Variants in EPHA7 observed in about 807,000 individuals in gnomAD.
EPHA7 encodes the protein ephrin type-A receptor 7.
EPHA7 carries 25 observed loss-of-function variants against 112.6 expected under a neutral mutation model. The observed-to-expected ratio is 0.22, with a 90% confidence interval of 0.16 to 0.31. EPHA7 has a LOEUF of 0.31. Among genes scored for constraint, EPHA7 ranks in the 10% least tolerant of loss-of-function variants. The pLI, the probability that EPHA7 is intolerant of heterozygous loss-of-function variation, is 1.00. For synonymous variants in EPHA7, 437 were observed against 406.5 expected (o/e 1.07, Z -0.90); for missense variants, 962 against 1,212.6 (o/e 0.79, Z 3.07).
chr6:93,345,187 T>C (rs1253140053), intron 5 of EPHA7, among the ~76,000 whole-genome samples: 2 of 151,718 alleles, frequency 1.3e-5, no homozygotes, highest in Non-Finnish European at 3.0e-5. Flanking sequence ...AATACAATAG[T>C]GATATGGCTT....
chr6:93,343,337 T>A (rs1359673280), intron 5 of EPHA7, among the ~76,000 whole-genome samples: 1 of 151,568 alleles, frequency 6.6e-6, no homozygotes, highest in Non-Finnish European at 1.5e-5. Context: ...CATAAAAAAA[T>A]TTACAAAGCA....
In EPHA7 at chr6:93,278,186, G is replaced by C. The variant is rs74480789; in HGVS notation, c.1325-5764C>G. ...TCTCAGAAAAATCTATAAGTAAAAG[G>C]CTTTAAGGGGCATCAGTTTGTGGAG... On this transcript the variant is annotated intron_variant, in intron 5 of 16. Coordinates refer to ENST00000369303, the MANE Select transcript of EPHA7 (RefSeq NM_004440.4). Among the ~76,000 whole-genome samples, 470 of 151,980 alleles carry C rather than the reference G, an allele frequency of 3.1e-3. 19 individuals carry two copies. The East Asian group carries it at 0.078, about 25-fold the overall frequency.
Position 93,240,600 on chromosome 6 carries a change from AAC to A in EPHA7, c.*2824_*2825del, listed in dbSNP as rs1769649440. 2 of 218,286 alleles carry A rather than the reference AAC, an allele frequency of 9.2e-6. No homozygotes were observed. The highest frequency in any genetic ancestry group is 3.7e-4 in the South Asian group (2 of 5,390). The allele number at this position is 218,286 out of a possible 1,614,324, so 13.5% of individuals were successfully genotyped here. A position where few individuals can be genotyped will look rare whatever the true frequency, so the allele number is the denominator to read the frequency against. ...ACTTTTATTTCAGTACTGAATGCAA[AAC>A]ACAGGTCAAGTGTGAGGACAGTGTT... On this transcript the variant is annotated 3_prime_UTR_variant, in exon 17 of 17. Transcript: ENST00000369303.
rs368399596 is a variant in EPHA7 at position 93,246,775 on chromosome 6, C to T, written c.2726+17G>A. 3.8e-6 allele frequency: 6 copies of T among 1,583,970 alleles called. No individual in the cohort carries two copies. The highest frequency in any genetic ancestry group is 5.2e-6 in the Non-Finnish European group (6 of 1,155,966). ...TTGTAATTTCTCCCAGATTCCATTC[C>T]CTTAGGCATTTCTTACCTACTACAA... On this transcript the variant is annotated intron_variant, in intron 15 of 16. Transcript: ENST00000369303.
Position 93,241,921 on chromosome 6 carries a change from C to G in EPHA7, c.*1505G>C, listed in dbSNP as rs1317070732. 9.2e-6 allele frequency: 2 copies of G among 216,980 alleles called. No homozygotes were observed. Among genetic ancestry groups the G allele is most frequent in the African/African-American group, 4.5e-5 (2 of 44,392 alleles). The allele number at this position is 216,980 out of a possible 1,614,324, so 13.4% of individuals were successfully genotyped here. ...GTTTGTTTGTGGATGCCCACATTATCAAACAAGACCAATTATGACCGATCC... is the reference window on the plus strand; with the variant it reads ...GTTTGTTTGTGGATGCCCACATTATGAAACAAGACCAATTATGACCGATCC... On this transcript the variant is annotated 3_prime_UTR_variant, in exon 17 of 17. Transcript: ENST00000369303.
At chr6:93,249,170 T>C (rs1047719746) in intron 14 of EPHA7, among the ~76,000 whole-genome samples, 1 of 152,160 alleles carries the variant, frequency 6.6e-6, no homozygotes, top group Non-Finnish European at 1.5e-5. Context: ...AAATGTTGCA[T>C]ATCACTGTAA....
chr6:93,243,323 A>G lies in EPHA7; in HGVS notation c.*103T>C. The G allele has an allele frequency of 2.5e-6, 2 of 800,164 alleles. No individual in the cohort carries two copies. Among genetic ancestry groups the G allele is most frequent in the South Asian group, 1.7e-5 (1 of 57,838 alleles). 49.6% of individuals were successfully genotyped at this position (800,164 alleles called of 1,614,324 possible). On this transcript the variant is annotated 3_prime_UTR_variant, in exon 17 of 17. Transcript: ENST00000369303. ...AAATCTTCTCTTCACTGTTGGAAGG[A>G]CCCAGGACATCACTTGTCTTCTAGC...
chr6:93,415,377 G>T (rs1220770271), intron 1 of EPHA7, among the ~76,000 whole-genome samples: 2 of 151,792 alleles, frequency 1.3e-5, no homozygotes, highest in African/African-American at 4.8e-5. Flanking sequence ...AGTTTTTTCA[G>T]CATTTTTTTT....
rs775497224 is a variant in EPHA7 at position 93,256,033 on chromosome 6, T to C, written c.2177A>G (p.His726Arg). The C allele has an allele frequency of 1.2e-6, 2 of 1,613,950 alleles. No individual in the cohort carries two copies. Among genetic ancestry groups the C allele is most frequent in the Admixed American group, 3.3e-5 (2 of 60,000 alleles). Residue 726 changes from histidine (H) to arginine (R), a missense_variant, in exon 13 of 17, where the codon CAT becomes CGT. His to Arg is a conservative substitution (Grantham distance 29). Around this residue, in one of 3 missense-constraint regions of EPHA7, gnomAD observed 746 missense variants for 889.2 expected, o/e 0.84. Transcript: ENST00000369303. ...CTGAATGACTGTAAATTGCCCATCA[T>C]GTTTCTGCAGGAAGACAAAAATAAA... Reference protein sequence around the residue: ...NGALDAFLRKHDGQFTVIQLV... With the variant: ...NGALDAFLRKRDGQFTVIQLV...
intron 1 of EPHA7, among the ~76,000 whole-genome samples, chr6:93,415,568 T>G (rs891009656): frequency 5.9e-5 from 9 of 152,090 alleles, no homozygotes; most frequent in Non-Finnish European, 1.3e-4. Flanking sequence ...TGTTATATAT[T>G]AATACACATA....
chr6:93,413,403 A>G (rs1779072026), intron 2 of EPHA7, among the ~76,000 whole-genome samples: 2 of 151,926 alleles, frequency 1.3e-5, no homozygotes, highest in Admixed American at 1.3e-4. Context: ...ATCATATATC[A>G]GTTTACTTCT....
chr6:93,350,148 A>C (rs1169492880), intron 5 of EPHA7, among the ~76,000 whole-genome samples: 5 of 152,030 alleles, frequency 3.3e-5, no homozygotes, highest in Non-Finnish European at 5.9e-5. Flanking sequence ...TTCTTGAAGA[A>C]AGATAATAAA....
At chr6:93,339,439 TAC>T (rs965109135) in intron 5 of EPHA7, among the ~76,000 whole-genome samples, 2 of 151,846 alleles carry the variant, frequency 1.3e-5, no homozygotes, top group African/African-American at 4.8e-5. Context: ...AATTCAATTC[TAC>T]TACATCAACA....
chr6:93,392,057 C>T (rs988007173), intron 3 of EPHA7, among the ~76,000 whole-genome samples: 2 of 152,038 alleles, frequency 1.3e-5, no homozygotes, highest in South Asian at 2.1e-4. Context: ...TTATACAGTA[C>T]ATTCTCCTGC....
chr6:93,363,296 CT>C (rs138904902), intron 3 of EPHA7, among the ~76,000 whole-genome samples: 4,034 of 152,126 alleles, frequency 0.027, 174 homozygotes, highest in African/African-American at 0.093. Flanking sequence ...AATATCTCCC[CT>C]ATAACACTGA....
intron 14 of EPHA7, 120 bp downstream of exon 14, chr6:93,254,527 G>A: frequency 1.5e-6 from 1 of 684,670 alleles, no homozygotes; most frequent in East Asian, 3.1e-5. Flanking sequence ...TAGTAATTGT[G>A]GAAAACTGTA....
In EPHA7 at chr6:93,241,319, C is replaced by T. The variant is rs1769679633; in HGVS notation, c.*2107G>A. On this transcript the variant is annotated 3_prime_UTR_variant, in exon 17 of 17. Coordinates refer to ENST00000369303, the MANE Select transcript of EPHA7 (RefSeq NM_004440.4). Reference sequence around the variant, plus strand: ...TCACTCAAACTCTTTCACTCATTCTCACAAAGGCCAATGCTACTGATTAGA... The same window carrying T: ...TCACTCAAACTCTTTCACTCATTCTTACAAAGGCCAATGCTACTGATTAGA... 1 of 218,944 alleles carries T rather than the reference C, an allele frequency of 4.6e-6. No homozygotes were observed. The highest frequency in any genetic ancestry group is 1.8e-4 in the South Asian group (1 of 5,424). The allele number at this position is 218,944 out of a possible 1,614,324, so 13.6% of individuals were successfully genotyped here. A position where few individuals can be genotyped will look rare whatever the true frequency, so the allele number is the denominator to read the frequency against.
intron 5 of EPHA7, among the ~76,000 whole-genome samples, chr6:93,342,820 A>C (rs2127923613): frequency 6.6e-6 from 1 of 151,880 alleles, no homozygotes; most frequent in Non-Finnish European, 1.5e-5. Context: ...ATTAAATGAC[A>C]GTTATTAGAA....
Position 93,242,422 on chromosome 6 carries a change from A to G in EPHA7, c.*1004T>C, listed in dbSNP as rs1337760902. ...CATTCAACAGAAGAGGATATAAAAT[A>G]TATGTCAACTATTTATCCTAAATTT... On this transcript the variant is annotated 3_prime_UTR_variant, in exon 17 of 17. Transcript: ENST00000369303. 2 of 193,806 alleles carry G rather than the reference A, an allele frequency of 1.0e-5. No individual in the cohort carries two copies. Among genetic ancestry groups the G allele is most frequent in the Non-Finnish European group, 2.2e-5 (2 of 92,710 alleles). 12.0% of individuals were successfully genotyped at this position (193,806 alleles called of 1,614,324 possible).
Sources: allele counts gnomAD v4.1 joint callset (sites outside exome capture counted in the v4.1 genomes callset), GRCh38; gene constraint gnomAD v4.1.1; regional missense constraint gnomAD v4.1.1; transcripts MANE v1.5; gene names NCBI Gene and HGNC (gene_info 2026-07-23, HGNC 2026-07-21).